TASP1: variants seen among roughly 807,000 people sequenced by gnomAD.
TASP1 encodes taspase 1, also known as threonine aspartase 1.
A neutral mutation model predicts 56.6 loss-of-function variants in TASP1; 16 were observed. The observed-to-expected ratio is 0.28, with a 90% CI of 0.19 to 0.43. The LOEUF is 0.43. Ranked by LOEUF, TASP1 falls within the 20% of genes least tolerant of loss-of-function variation. TASP1 has a pLI of 1.00. For synonymous variants in TASP1, 179 were observed against 184.2 expected (o/e 0.97, Z 0.23); for missense variants, 393 against 511.6 (o/e 0.77, Z 2.24).
chr20:13,111,901 C>T, the TASP1 span, among the ~76,000 whole-genome samples: 1 of 152,196 alleles, frequency 6.6e-6, no homozygotes, highest in Non-Finnish European at 1.5e-5. Flanking sequence ...ATCAGCTACA[C>T]AGAGAAACAA....
the TASP1 span, among the ~76,000 whole-genome samples, chr20:13,342,064 T>C: frequency 6.6e-6 from 1 of 152,204 alleles, no homozygotes. Context: ...AGCCCAGGTA[T>C]AGCAGGCGAG....
rs924499666 is a variant in TASP1 at position 13,512,044 on chromosome 20, C to T, written c.874+16389G>A. ...GGTTGGTTCCAAGTCTCTGCTATTG[C>T]AAATAGTGCCGCAATATACATACCT... On this transcript the variant is annotated intron_variant, in intron 10 of 13. Transcript: ENST00000337743. Among the ~76,000 whole-genome samples the T allele has an allele frequency of 9.9e-5, 15 of 152,154 alleles. No individual in the cohort carries two copies. The Middle Eastern group carries it at 0.01, about 104-fold the overall frequency.
intron 8 of TASP1, among the ~76,000 whole-genome samples, chr20:13,555,807 T>A (rs1340301701): frequency 2.0e-5 from 3 of 152,224 alleles, no homozygotes; most frequent in African/African-American, 7.2e-5. Context: ...GGAATCACTA[T>A]CTATGGCAGC....
the TASP1 span, among the ~76,000 whole-genome samples, chr20:13,182,514 A>G: frequency 6.6e-6 from 1 of 151,968 alleles, no homozygotes; most frequent in Non-Finnish European, 1.5e-5. Flanking sequence ...TGTCATCCCA[A>G]TTTCTATCCT....
At chr20:13,612,225 G>A (rs940031257) in intron 4 of TASP1, among the ~76,000 whole-genome samples, 9 of 152,022 alleles carry the variant, frequency 5.9e-5, no homozygotes, top group Non-Finnish European at 8.8e-5. Context: ...CCAGATTAGT[G>A]GTCAGAAATG....
At chr20:13,503,233 T>C (rs148348777) in intron 10 of TASP1, among the ~76,000 whole-genome samples, 371 of 152,178 alleles carry the variant, frequency 2.4e-3, no homozygotes, top group African/African-American at 8.2e-3. Flanking sequence ...AACAGCCCCA[T>C]GGGCACCCCA....
chr20:13,367,954 A>G, the TASP1 span, among the ~76,000 whole-genome samples: 2 of 152,342 alleles, frequency 1.3e-5, no homozygotes, highest in South Asian at 2.1e-4. Context: ...GGGGTCCTGC[A>G]TCTCCAAATG....
At chr20:13,198,761 C>T in the TASP1 span, among the ~76,000 whole-genome samples, 1 of 151,658 alleles carries the variant, frequency 6.6e-6, no homozygotes, top group Admixed American at 6.6e-5. Context: ...TTTTTCTGGG[C>T]TTTTTTTCTT....
chr20:13,274,059 T>TTGTGTGTG, the TASP1 span, among the ~76,000 whole-genome samples: 3,100 of 150,802 alleles, frequency 0.021, 96 homozygotes, highest in African/African-American at 0.067. Context: ...TGGCGTGTAA[T>TTGTGTGTG]TGTGTGTGTG....
At position 13,497,611 on chromosome 20, in the gene TASP1, G is replaced by A. The variant is rs563903125; in HGVS notation, c.875-14274C>T. 4.5e-4 allele frequency among the ~76,000 whole-genome samples: 68 copies of A among 152,230 alleles called. 1 individual carries two copies. Among genetic ancestry groups the A allele is most frequent in the South Asian group, 2.5e-3 (12 of 4,824 alleles). On this transcript the variant is annotated intron_variant, in intron 10 of 13. Transcript: ENST00000337743. ...GATCCCAGCCTTTGCTGAATAGTAAGACTTGACACTACCATCAGAATATCT... is the reference window on the plus strand; with the variant it reads ...GATCCCAGCCTTTGCTGAATAGTAAAACTTGACACTACCATCAGAATATCT...
At chr20:13,131,843 T>A in the TASP1 span, among the ~76,000 whole-genome samples, 1 of 152,182 alleles carries the variant, frequency 6.6e-6, no homozygotes, top group South Asian at 2.1e-4. Flanking sequence ...GAGAACTTTC[T>A]GTCGTCTTTT....
chr20:13,382,690 A>G, the TASP1 span, among the ~76,000 whole-genome samples: 1 of 152,202 alleles, frequency 6.6e-6, no homozygotes, highest in African/African-American at 2.4e-5. Flanking sequence ...ATTTAGATTT[A>G]CAGTTTATCT....
intron 4 of TASP1, among the ~76,000 whole-genome samples, chr20:13,606,465 T>C (rs1042052965): frequency 2.0e-5 from 3 of 152,240 alleles, no homozygotes; most frequent in Non-Finnish European, 2.9e-5. Context: ...TACATAATTT[T>C]TGTTTGTCTA....
At chr20:13,222,982 G>C in the TASP1 span, among the ~76,000 whole-genome samples, 2 of 152,048 alleles carry the variant, frequency 1.3e-5, no homozygotes, top group African/African-American at 2.4e-5. Flanking sequence ...GGCCGACATG[G>C]TGAAACCCCG....
chr20:13,366,163 A>C, the TASP1 span, among the ~76,000 whole-genome samples: 1 of 152,232 alleles, frequency 6.6e-6, no homozygotes, highest in Non-Finnish European at 1.5e-5. Flanking sequence ...ATTAGGTGTC[A>C]CAGTAGAGAT....
the TASP1 span, among the ~76,000 whole-genome samples, chr20:13,238,407 C>G: frequency 6.6e-6 from 1 of 152,314 alleles, no homozygotes; most frequent in East Asian, 1.9e-4. Context: ...GCCCATTACT[C>G]ATTAACTTAT....
At chr20:13,250,326 A>G in the TASP1 span, among the ~76,000 whole-genome samples, 1 of 152,208 alleles carries the variant, frequency 6.6e-6, no homozygotes, top group South Asian at 2.1e-4. Flanking sequence ...GCTTTCAGTT[A>G]GGAAACTCCT....
chr20:13,542,825 T>C (rs953422832), intron 8 of TASP1, among the ~76,000 whole-genome samples: 8 of 151,506 alleles, frequency 5.3e-5, no homozygotes, highest in South Asian at 2.1e-4. Context: ...ACAGTAAAAG[T>C]AGTACTAAGA....
intron 13 of TASP1, chr20:13,393,705 A>T: frequency 1.8e-6 from 2 of 1,105,484 alleles, no homozygotes. Flanking sequence ...CAGCGACAGC[A>T]TGAAAGGAAG....
Sources: allele counts gnomAD v4.1 joint callset (sites outside exome capture counted in the v4.1 genomes callset), GRCh38; gene constraint gnomAD v4.1.1; transcripts MANE v1.5; gene names NCBI Gene and HGNC (gene_info 2026-07-23, HGNC 2026-07-21).